The following WAPL variants were observed in gnomAD, a reference collection of about 807,000 sequenced individuals.
WAPL encodes the protein WAPL cohesin release factor, also known as wings apart-like protein homolog.
WAPL carries 5 observed loss-of-function variants against 121.0 expected under a neutral mutation model. The ratio of observed to expected loss-of-function variants is 0.04; its 90% CI spans 0.02 to 0.09. The LOEUF is 0.09. Ranked by LOEUF, WAPL falls within the 10% of genes least tolerant of loss-of-function variation. WAPL has a pLI of 1.00. For missense variants in WAPL, 999 were observed against 1,410.8 expected, an observed-to-expected ratio of 0.71 and a Z score of 4.68; for synonymous variants, 480 against 481.5, an observed-to-expected ratio of 1.00 and a Z score of 0.04.
chr10:86,492,939 T>C (rs577765903), intron 4 of WAPL, among the ~76,000 whole-genome samples: 4 of 151,806 alleles, frequency 2.6e-5, no homozygotes, highest in East Asian at 2.0e-4. Flanking sequence ...TGGGCGCCTA[T>C]AGTCCCACCT....
chr10:86,454,920 C>T (rs1284461949), intron 12 of WAPL, among the ~76,000 whole-genome samples: 3 of 149,732 alleles, frequency 2.0e-5, no homozygotes, highest in Non-Finnish European at 3.0e-5. Flanking sequence ...CGTCTCTGCC[C>T]GGCCACCCCG....
chr10:86,521,229 G>T (rs1185434755), intron 1 of WAPL, 136 bp downstream of exon 1: 1 of 229,622 alleles, frequency 4.4e-6, no homozygotes, highest in African/African-American at 2.4e-5. Context: ...GAGTTCCTCA[G>T]GTCATTCCCC....
chr10:86,442,726 A>G (rs974400547), intron 17 of WAPL, among the ~76,000 whole-genome samples: 1 of 152,158 alleles, frequency 6.6e-6, no homozygotes, highest in Admixed American at 6.5e-5. Context: ...CTTTAAAACT[A>G]TTTAGGTAAT....
intron 7 of WAPL, 118 bp from the exon 8 acceptor site, chr10:86,471,221 T>C: frequency 3.1e-6 from 2 of 652,460 alleles, no homozygotes; most frequent in East Asian, 2.8e-5. Flanking sequence ...GCATTGCCCA[T>C]ACATGATCAC....
chr10:86,443,042 C>CA (rs11402869), intron 17 of WAPL, among the ~76,000 whole-genome samples: 103,206 of 123,154 alleles, frequency 0.84, 43,045 homozygotes, highest in Non-Finnish European at 0.9. Context: ...GACTCCGCCT[C>CA]AAAAAAAAAA....
In WAPL at chr10:86,436,737, T is replaced by G. The variant is rs1302046215; in HGVS notation, c.*806A>C. The G allele has an allele frequency of 6.5e-6, 1 of 152,684 alleles. No homozygotes were observed. The highest frequency in any genetic ancestry group is 1.9e-4 in the East Asian group (1 of 5,196). 9.5% of individuals were successfully genotyped at this position (152,684 alleles called of 1,614,324 possible). On this transcript the variant is annotated 3_prime_UTR_variant, in exon 19 of 19. Transcript: ENST00000298767. ...TTTTAAGAGCCTCCCTAGCATTAAG[T>G]GTAAACTACCCTGGGTTTGACTATT...
intron 12 of WAPL, among the ~76,000 whole-genome samples, chr10:86,455,683 T>TAAAAAAAAAAAAAAAAAAAAAAA (rs539594893): frequency 6.9e-5 from 2 of 29,094 alleles, no homozygotes; most frequent in Non-Finnish European, 1.5e-4. Flanking sequence ...CAATAAATAC[T>TAAAAAAAAAAAAAAAAAAAAAAA]AAAAAAAAAA....
At chr10:86,463,746 C>T (rs987591742) in intron 9 of WAPL, among the ~76,000 whole-genome samples, 1 of 152,192 alleles carries the variant, frequency 6.6e-6, no homozygotes, top group Admixed American at 6.5e-5. Flanking sequence ...GTCCTGCAAG[C>T]TCTACTCATG....
At chr10:86,518,386 G>A (rs1842601791) in intron 1 of WAPL, among the ~76,000 whole-genome samples, 1 of 152,154 alleles carries the variant, frequency 6.6e-6, no homozygotes, top group South Asian at 2.1e-4. Context: ...TTAAAATGAA[G>A]CATATTAAGT....
At position 86,517,906 on chromosome 10, in the gene WAPL, A is replaced by C. The variant is rs761985951; in HGVS notation, c.164T>G (p.Ile55Ser). ...GQKRPNFKPD[I>S]QEIPKKPKVE... ...TTTAGGTTTCTTCGGAATTTCTTGGATATCTGGTTTGAAATTGGGCCTCTT... is the reference window on the plus strand; with the variant it reads ...TTTAGGTTTCTTCGGAATTTCTTGGCTATCTGGTTTGAAATTGGGCCTCTT... Residue 55 changes from isoleucine to serine, a missense_variant, in exon 2 of 19, where the codon ATC becomes AGC. Around this residue, in one of 7 missense-constraint regions of WAPL, gnomAD observed 531 missense variants for 563.1 expected, o/e 0.94. Transcript: ENST00000298767. 2 of 1,614,122 alleles carry C rather than the reference A, an allele frequency of 1.2e-6. No individual in the cohort carries two copies. Among genetic ancestry groups the C allele is most frequent in the Non-Finnish European group, 1.7e-6 (2 of 1,179,998 alleles).
In WAPL at chr10:86,472,628, C is replaced by T. The variant is rs1841558130; in HGVS notation, c.1877G>A (p.Arg626Lys). The T allele has an allele frequency of 1.9e-6, 3 of 1,613,620 alleles. No homozygotes were observed. Among genetic ancestry groups the T allele is most frequent in the Non-Finnish European group, 2.5e-6 (3 of 1,179,836 alleles). The change falls in exon 6 of 19, where the codon AGA (arginine) becomes AAA (lysine). Residue 626 changes from arginine to lysine, a missense_variant. Around this residue, in one of 7 missense-constraint regions of WAPL, gnomAD observed 74 missense variants for 115.1 expected, o/e 0.64. Coordinates refer to ENST00000298767, the MANE Select transcript of WAPL (RefSeq NM_015045.5). The surrounding 1 kb of genome is among the most constrained non-coding windows in gnomAD (Gnocchi z 4.2). ...GCTGCTTACTTCTTTGTCTTCTCGT[C>T]TGCATTTCAGTGCAGTAACTATATC... The part of the protein sequence containing the change: ...YQDIVTALKC[R>K]REDKELYTVV...
intron 9 of WAPL, among the ~76,000 whole-genome samples, chr10:86,462,119 G>A (rs1291482364): frequency 6.6e-6 from 1 of 152,156 alleles, no homozygotes; most frequent in Non-Finnish European, 1.5e-5. Flanking sequence ...CACTTTGGCT[G>A]TTGTTTTTCT....
intron 11 of WAPL, 75 bp from the exon 12 acceptor site, chr10:86,459,140 G>C: frequency 8.4e-7 from 1 of 1,194,418 alleles, no homozygotes; most frequent in Non-Finnish European, 1.2e-6. Context: ...CATTCTGCCT[G>C]GTGCGTAAAA....
intron 9 of WAPL, among the ~76,000 whole-genome samples, chr10:86,461,851 T>C (rs897683408): frequency 6.7e-6 from 1 of 149,546 alleles, no homozygotes; most frequent in African/African-American, 2.4e-5. Flanking sequence ...TCTTTCCATA[T>C]TTTCCTGCAA....
chr10:86,494,821 A>G (rs1294016554), intron 4 of WAPL, among the ~76,000 whole-genome samples: 1 of 152,192 alleles, frequency 6.6e-6, no homozygotes, highest in Non-Finnish European at 1.5e-5. Flanking sequence ...AATCATCAAG[A>G]AACTCCCATT....
At chr10:86,462,559 A>C (rs1841307114) in intron 9 of WAPL, among the ~76,000 whole-genome samples, 1 of 151,888 alleles carries the variant, frequency 6.6e-6, no homozygotes, top group South Asian at 2.1e-4. Context: ...ATCTCTACTA[A>C]AAATACACAA....
chr10:86,477,980 G>A (rs778368050), intron 4 of WAPL, among the ~76,000 whole-genome samples: 15 of 151,436 alleles, frequency 9.9e-5, no homozygotes, highest in South Asian at 2.1e-4. Context: ...GCTTGAACCC[G>A]GGAGGCGGAG....
At chr10:86,479,743 T>C (rs12267240) in intron 4 of WAPL, among the ~76,000 whole-genome samples, 14,543 of 152,238 alleles carry the variant, frequency 0.096, 883 homozygotes, top group African/African-American at 0.16. Context: ...AAATGAACTC[T>C]GAAGAAGTAC....
chr10:86,509,401 T>C (rs903521435), intron 2 of WAPL, among the ~76,000 whole-genome samples: 2 of 152,178 alleles, frequency 1.3e-5, no homozygotes, highest in African/African-American at 4.8e-5. Flanking sequence ...TTCTATCCTT[T>C]CTCAGTGCAC....
Sources: gnomAD v4.1 joint callset for allele counts (sites outside exome capture counted in the v4.1 genomes callset) on GRCh38, gnomAD v4.1.1 for gene constraint, gnomAD v4.1.1 regional missense constraint, Gnocchi (gnomAD v3.1) non-coding constraint, MANE v1.5 for transcripts, NCBI Gene and HGNC (gene_info 2026-07-23, HGNC 2026-07-21) for gene names.